CACNA2D2: variants seen among roughly 807,000 people sequenced by gnomAD.
The protein encoded by CACNA2D2 is calcium voltage-gated channel auxiliary subunit alpha2delta 2, also known as voltage-dependent calcium channel subunit alpha-2/delta-2.
In CACNA2D2, 48 loss-of-function variants were observed where a neutral mutation model predicts 166.4. The observed-to-expected ratio is 0.29, with a 90% CI of 0.23 to 0.37. The LOEUF (loss-of-function observed/expected upper bound fraction) is 0.37. Ranked by LOEUF, CACNA2D2 falls within the 10% of genes least tolerant of loss-of-function variation. CACNA2D2 has a pLI of 1.00. For synonymous variants in CACNA2D2, 561 were observed against 573.7 expected (o/e 0.98, Z 0.32); for missense variants, 1,122 against 1,433.0 (o/e 0.78, Z 3.50).
intron 22 of CACNA2D2, among the ~76,000 whole-genome samples, chr3:50,370,898 T>A (rs41308228): frequency 0.012 from 1,846 of 152,222 alleles, 26 homozygotes; most frequent in Non-Finnish European, 0.019. Flanking sequence ...CGCAGCTGTT[T>A]GCGTTTTGGT....
In CACNA2D2 at chr3:50,365,744, T is replaced by G; in HGVS notation, c.2916-56A>C. On this transcript the variant is annotated intron_variant, in intron 33 of 37. Coordinates refer to ENST00000424201, the MANE Select transcript of CACNA2D2 (RefSeq NM_006030.4). This position sits in a 1 kb window ranked among gnomAD's most constrained non-coding sequence, Gnocchi z 4.5. ...GTCAGCAGAGGACGATGCCATGCCC[T>G]ACTTCTCTTCTGAGCCCTCCCGGCC... 1 of 1,607,930 alleles carries G rather than the reference T, an allele frequency of 6.2e-7. No homozygotes were observed. Among genetic ancestry groups the G allele is most frequent in the South Asian group, 1.1e-5 (1 of 90,036 alleles).
intron 1 of CACNA2D2, among the ~76,000 whole-genome samples, chr3:50,484,054 C>T (rs548819783): frequency 1.1e-4 from 16 of 152,178 alleles, no homozygotes; most frequent in South Asian, 4.2e-4. Context: ...TGAAAGTGTC[C>T]GAAACGAGAT....
At chr3:50,495,515 A>G (rs1218961599) in intron 1 of CACNA2D2, among the ~76,000 whole-genome samples, 1 of 152,260 alleles carries the variant, frequency 6.6e-6, no homozygotes, top group African/African-American at 2.4e-5. Context: ...AAGACTCAGT[A>G]GACAAAAATC....
intron 1 of CACNA2D2, among the ~76,000 whole-genome samples, chr3:50,499,085 G>T (rs550759666): frequency 2.2e-4 from 33 of 152,338 alleles, no homozygotes; most frequent in Non-Finnish European, 2.2e-4. Context: ...AAGCTGTGTT[G>T]CAGGGAGTGA....
rs991310679 is a variant in CACNA2D2 at position 50,410,174 on chromosome 3, C to A, written c.406-16006G>T. On this transcript the variant is annotated intron_variant, in intron 3 of 37. Transcript: ENST00000424201. ...GTTGAGCCCAGTGACCCTTTGGGGG[C>A]GGCTGTGCTTGGCCCTGCCTAGATC... is the stretch of plus-strand genomic sequence containing the variant. 1.3e-5 allele frequency among the ~76,000 whole-genome samples: 2 copies of A among 152,152 alleles called. 1 individual carries two copies. The highest frequency in any genetic ancestry group is 4.1e-4 in the South Asian group (2 of 4,830).
chr3:50,464,865 C>A lies in CACNA2D2; in HGVS notation c.288+11253G>T, dbSNP rs1022802979. On this transcript the variant is annotated intron_variant, in intron 2 of 37. Coordinates refer to ENST00000424201, the MANE Select transcript of CACNA2D2 (RefSeq NM_006030.4). ...CCCACACCACTGCCTCCTCCTCTAG[C>A]GAACTGGGCTGCAAGGCTGCTGGAA... Among the ~76,000 whole-genome samples, 4 of 152,240 alleles carry A rather than the reference C, an allele frequency of 2.6e-5. No individual in the cohort carries two copies. The South Asian group carries it at 8.3e-4, about 31-fold the overall frequency.
chr3:50,429,174 G>A (rs1286765145), intron 3 of CACNA2D2, among the ~76,000 whole-genome samples: 7 of 152,120 alleles, frequency 4.6e-5, no homozygotes, highest in Non-Finnish European at 1.0e-4. Flanking sequence ...AGGTTGCAGT[G>A]AGCTGAAATC....
intron 6 of CACNA2D2, among the ~76,000 whole-genome samples, chr3:50,383,962 G>A (rs192866954): frequency 1.3e-5 from 2 of 152,364 alleles, no homozygotes; most frequent in East Asian, 3.9e-4. Flanking sequence ...GCATGCACAG[G>A]GATAGAGGCT....
In CACNA2D2 at chr3:50,363,724, T is replaced by C. The variant is rs1053041749; in HGVS notation, c.*942A>G. On this transcript the variant is annotated 3_prime_UTR_variant, in exon 38 of 38. Transcript: ENST00000424201. ...TGTGGTCCCACTGGGGGCCTGACAC[T>C]AGTGAGAAATGGTTACAATGAGCAC... is the stretch of plus-strand genomic sequence containing the variant. The C allele has an allele frequency of 6.4e-6, 1 of 156,172 alleles. No homozygotes were observed. The highest frequency in any genetic ancestry group is 2.4e-5 in the African/African-American group (1 of 41,536). 9.7% of individuals were successfully genotyped at this position (156,172 alleles called of 1,614,324 possible).
At chr3:50,395,538 C>T (rs1024222447) in intron 3 of CACNA2D2, among the ~76,000 whole-genome samples, 3 of 152,202 alleles carry the variant, frequency 2.0e-5, no homozygotes, top group African/African-American at 2.4e-5. Flanking sequence ...CAGAAGGTCC[C>T]GCCTCTTGGT....
At position 50,379,671 on chromosome 3, in the gene CACNA2D2, G is replaced by A; in HGVS notation, c.993+54C>T. 1 of 1,611,928 alleles carries A rather than the reference G, an allele frequency of 6.2e-7. No homozygotes were observed. Among genetic ancestry groups the A allele is most frequent in the Non-Finnish European group, 8.5e-7 (1 of 1,178,606 alleles). ...TGCATGGGGCTGGTGATGGTCACAG[G>A]AGCAGGGCAGATGGGGTGACCCATT... On this transcript the variant is annotated intron_variant, in intron 10 of 37. Transcript: ENST00000424201. This position sits in a 1 kb window ranked among gnomAD's most constrained non-coding sequence, Gnocchi z 6.5.
At chr3:50,394,594 C>T (rs1348141708) in intron 3 of CACNA2D2, among the ~76,000 whole-genome samples, 2 of 152,206 alleles carry the variant, frequency 1.3e-5, no homozygotes, top group Admixed American at 1.3e-4. Context: ...AGGAGGGGCC[C>T]ACAGCCCACC....
At chr3:50,453,871 C>T (rs766834120) in intron 2 of CACNA2D2, among the ~76,000 whole-genome samples, 2 of 151,932 alleles carry the variant, frequency 1.3e-5, no homozygotes, top group Non-Finnish European at 2.9e-5. Context: ...GGAGGGGAGC[C>T]CCGGTTTGGA....
intron 3 of CACNA2D2, among the ~76,000 whole-genome samples, chr3:50,422,640 G>A (rs1432161666): frequency 6.6e-6 from 1 of 152,182 alleles, no homozygotes; most frequent in Non-Finnish European, 1.5e-5. Flanking sequence ...CCCCTCAGAA[G>A]ACCCCACTGG....
At position 50,379,497 on chromosome 3, in the gene CACNA2D2, T is replaced by G; in HGVS notation, c.1087A>C (p.Met363Leu). Residue 363 changes from methionine (M) to leucine (L), a missense_variant, in exon 11 of 38, where the codon ATG becomes CTG. This residue lies in a region of CACNA2D2 where 840 missense variants were observed against 1,166.8 expected (regional missense o/e 0.72). Coordinates refer to ENST00000424201, the MANE Select transcript of CACNA2D2 (RefSeq NM_006030.4). This position sits in a 1 kb window ranked among gnomAD's most constrained non-coding sequence, Gnocchi z 6.5. Reference sequence around the variant, plus strand: ...TAGCCTGTGGTGCCCTTGGCCACCATGCCCTGCACAGCTTCCTTGAACACC... The same window carrying G: ...TAGCCTGTGGTGCCCTTGGCCACCAGGCCCTGCACAGCTTCCTTGAACACC... ...KKVFKEAVQG[M>L]VAKGTTGYKA... The G allele has an allele frequency of 1.2e-6, 2 of 1,613,998 alleles. No homozygotes were observed. Among genetic ancestry groups the G allele is most frequent in the South Asian group, 2.2e-5 (2 of 91,082 alleles).
At position 50,380,157 on chromosome 3, in the gene CACNA2D2, T is replaced by C. The variant is rs1027809677; in HGVS notation, c.843-139A>G. Reference sequence around the variant, plus strand: ...CAGGCAGGGTTCTATGCACCGATGATACCACATTTAACGAAACAGACACAG... The same window carrying C: ...CAGGCAGGGTTCTATGCACCGATGACACCACATTTAACGAAACAGACACAG... On this transcript the variant is annotated intron_variant, in intron 8 of 37. Coordinates refer to ENST00000424201, the MANE Select transcript of CACNA2D2 (RefSeq NM_006030.4). The surrounding 1 kb of genome is among the most constrained non-coding windows in gnomAD (Gnocchi z 4.9). The C allele has an allele frequency of 1.3e-6, 1 of 796,464 alleles. No homozygotes were observed. Among genetic ancestry groups the C allele is most frequent in the Admixed American group, 2.1e-5 (1 of 47,242 alleles). The allele number at this position is 796,464 out of a possible 1,614,324, so 49.3% of individuals were successfully genotyped here.
intron 1 of CACNA2D2, among the ~76,000 whole-genome samples, chr3:50,487,238 C>T (rs1316907919): frequency 2.0e-5 from 3 of 152,202 alleles, no homozygotes; most frequent in South Asian, 2.1e-4. Context: ...AGGTAAGAGC[C>T]GCCCCTCGTA....
Position 50,379,842 on chromosome 3 carries a change from G to A in CACNA2D2, c.894-18C>T. ...TGCCACTCCTGGAGAGGTCAGGCAG[G>A]GGACGTGGAGGAGCCAGGGGAACCT... On this transcript the variant is annotated intron_variant, in intron 9 of 37. Transcript: ENST00000424201. This position sits in a 1 kb window ranked among gnomAD's most constrained non-coding sequence, Gnocchi z 6.5. The A allele has an allele frequency of 9.3e-6, 15 of 1,613,488 alleles. No individual in the cohort carries two copies. The highest frequency in any genetic ancestry group is 1.3e-5 in the Non-Finnish European group (15 of 1,179,672).
Position 50,365,284 on chromosome 3 carries a change from C to A in CACNA2D2, c.3098+72G>T. 1 of 1,572,632 alleles carries A rather than the reference C, an allele frequency of 6.4e-7. No homozygotes were observed. Among genetic ancestry groups the A allele is most frequent in the South Asian group, 1.1e-5 (1 of 88,690 alleles). On this transcript the variant is annotated intron_variant, in intron 35 of 37. Coordinates refer to ENST00000424201, the MANE Select transcript of CACNA2D2 (RefSeq NM_006030.4). The surrounding 1 kb of genome is among the most constrained non-coding windows in gnomAD (Gnocchi z 4.5). ...CGGCCGCTCGGAGGCCCCGCCCCTT[C>A]CATCCTCCCGAGCGTCTCGCCCCGC...
Sources: gnomAD v4.1 joint callset for allele counts (sites outside exome capture counted in the v4.1 genomes callset) on GRCh38, gnomAD v4.1.1 for gene constraint, gnomAD v4.1.1 regional missense constraint, Gnocchi (gnomAD v3.1) non-coding constraint, MANE v1.5 for transcripts, NCBI Gene and HGNC (gene_info 2026-07-23, HGNC 2026-07-21) for gene names.